The following DLG2 variants were observed in gnomAD, a reference collection of about 807,000 sequenced individuals.
DLG2 encodes the protein disks large homolog 2.
In DLG2, 45 loss-of-function variants were observed where a neutral mutation model predicts 132.5. The observed-to-expected ratio is 0.34, with a 90% CI of 0.27 to 0.44. DLG2 has a LOEUF of 0.44. Ranked by LOEUF, DLG2 falls within the 20% of genes least tolerant of loss-of-function variation. The pLI is 1.00. For synonymous variants in DLG2, 424 were observed against 419.6 expected (o/e 1.01, Z -0.13); for missense variants, 1,045 against 1,196.9 (o/e 0.87, Z 1.87).
chr11:84,244,600 A>G (rs1211832775), intron 8 of DLG2, among the ~76,000 whole-genome samples: 1 of 152,212 alleles, frequency 6.6e-6, no homozygotes, highest in Non-Finnish European at 1.5e-5. Flanking sequence ...CTTTGCCTCT[A>G]TTGCTAAATT....
chr11:84,225,804 T>C (rs2096983277), intron 8 of DLG2, among the ~76,000 whole-genome samples: 1 of 151,078 alleles, frequency 6.6e-6, no homozygotes, highest in Non-Finnish European at 1.5e-5. Context: ...CTTTTGTCTT[T>C]TTTTTTTTTT....
chr11:85,400,985 T>A lies in DLG2; in HGVS notation c.41-115620A>T, dbSNP rs552642464. Among the ~76,000 whole-genome samples the A allele has an allele frequency of 2.7e-5, 4 of 150,214 alleles. No individual in the cohort carries two copies. The South Asian group carries it at 8.4e-4, about 32-fold the overall frequency. The stretch of plus-strand genomic sequence containing the variant: ...AGGGAATTCTCCCAAACTCATTTTA[T>A]GAGGCTAGCATCATCCTGATACCAA... On this transcript the variant is annotated intron_variant, in intron 3 of 27. Transcript: ENST00000376104.
rs892286009 is a variant in DLG2 at position 85,451,168 on chromosome 11, CTTA to C, written c.40+147486_40+147488del. Reference sequence around the variant, plus strand: ...TGCAAATGATACATCCATCAACCTACTTATTATTGTCAAAAGTCTAATGGCTAG... The same window carrying C: ...TGCAAATGATACATCCATCAACCTACTTATTGTCAAAAGTCTAATGGCTAG... On this transcript the variant is annotated intron_variant, in intron 3 of 27. Coordinates refer to ENST00000376104, the MANE Select transcript of DLG2 (RefSeq NM_001142699.3). 1.2e-4 allele frequency among the ~76,000 whole-genome samples: 18 copies of C among 152,298 alleles called. 2 individuals carry two copies. The highest frequency in any genetic ancestry group is 9.2e-4 in the Admixed American group (14 of 15,298).
chr11:84,620,278 T>C (rs1307257145), intron 6 of DLG2, among the ~76,000 whole-genome samples: 1 of 151,804 alleles, frequency 6.6e-6, no homozygotes, highest in African/African-American at 2.4e-5. Flanking sequence ...ATTTAGTTAT[T>C]TGGAAAATAA....
intron 4 of DLG2, among the ~76,000 whole-genome samples, chr11:85,180,881 T>C (rs1201076080): frequency 6.6e-6 from 1 of 151,774 alleles, no homozygotes; most frequent in African/African-American, 2.4e-5. Flanking sequence ...CTGACATGAA[T>C]TACTTGCCCA....
At chr11:84,488,882 T>C (rs1366877342) in intron 7 of DLG2, among the ~76,000 whole-genome samples, 1 of 152,166 alleles carries the variant, frequency 6.6e-6, no homozygotes, top group Non-Finnish European at 1.5e-5. Context: ...TCCAATAAAC[T>C]AAATGTCACC....
intron 7 of DLG2, among the ~76,000 whole-genome samples, chr11:84,286,069 T>C (rs944058794): frequency 1.2e-4 from 19 of 152,120 alleles, no homozygotes; most frequent in African/African-American, 4.6e-4. Context: ...TAACCTAGGT[T>C]TTATCACTCT....
intron 7 of DLG2, among the ~76,000 whole-genome samples, chr11:84,494,548 G>C (rs183211176): frequency 1.3e-5 from 2 of 152,308 alleles, no homozygotes; most frequent in African/African-American, 2.4e-5. Context: ...GACTATGTCA[G>C]GTAGTGGGCT....
intron 24 of DLG2, among the ~76,000 whole-genome samples, chr11:83,470,471 A>G (rs1268058471): frequency 1.3e-5 from 2 of 152,150 alleles, no homozygotes; most frequent in Non-Finnish European, 2.9e-5. Flanking sequence ...ACTATCACAA[A>G]ATGGTTCTAT....
At chr11:84,453,284 T>C (rs1410798588) in intron 7 of DLG2, among the ~76,000 whole-genome samples, 2 of 151,636 alleles carry the variant, frequency 1.3e-5, no homozygotes, top group East Asian at 3.9e-4. Context: ...CATTTCATTG[T>C]TTACAATTAT....
chr11:84,974,842 A>C (rs1010329428), intron 6 of DLG2, among the ~76,000 whole-genome samples: 1 of 152,250 alleles, frequency 6.6e-6, no homozygotes, highest in Admixed American at 6.5e-5. Flanking sequence ...TTTGAGAATC[A>C]AAGGTCTATG....
At chr11:84,993,693 A>AC (rs11424550) in intron 6 of DLG2, among the ~76,000 whole-genome samples, 109,038 of 151,990 alleles carry the variant, frequency 0.72, 40,358 homozygotes, top group East Asian at 0.92. Context: ...TTTAATCTTT[A>AC]CCTCTAATGG....
chr11:85,225,568 T>C (rs966491256), intron 4 of DLG2, among the ~76,000 whole-genome samples: 2 of 152,124 alleles, frequency 1.3e-5, no homozygotes, highest in Admixed American at 1.3e-4. Context: ...TCTTTTGTAC[T>C]TTCCCTTTGC....
intron 6 of DLG2, among the ~76,000 whole-genome samples, chr11:84,641,676 C>T (rs1413623513): frequency 1.3e-5 from 2 of 152,054 alleles, no homozygotes; most frequent in Admixed American, 6.5e-5. Flanking sequence ...AAAACTCTGG[C>T]TCAATTCTAC....
chr11:85,216,272 C>A (rs1231616068), intron 4 of DLG2, among the ~76,000 whole-genome samples: 1 of 152,110 alleles, frequency 6.6e-6, no homozygotes, highest in Non-Finnish European at 1.5e-5. Flanking sequence ...AGTCTTGACC[C>A]CTCCAGACTT....
intron 7 of DLG2, among the ~76,000 whole-genome samples, chr11:84,484,138 C>T (rs537112155): frequency 6.6e-6 from 1 of 152,196 alleles, no homozygotes; most frequent in East Asian, 1.9e-4. Context: ...ATGGTTGCAC[C>T]TCACCTCCTT....
At chr11:85,089,313 T>C (rs1296230158) in intron 6 of DLG2, among the ~76,000 whole-genome samples, 5 of 152,164 alleles carry the variant, frequency 3.3e-5, no homozygotes, top group Admixed American at 3.3e-4. Context: ...GACCCTAGTA[T>C]TTATTGTCCC....
intron 3 of DLG2, among the ~76,000 whole-genome samples, chr11:85,380,198 T>C (rs774560502): frequency 6.6e-6 from 1 of 152,134 alleles, no homozygotes; most frequent in Non-Finnish European, 1.5e-5. Context: ...TGTGAAAAAG[T>C]TTACAATATA....
intron 6 of DLG2, among the ~76,000 whole-genome samples, chr11:85,101,935 T>C (rs1376377709): frequency 1.3e-5 from 2 of 152,024 alleles, no homozygotes; most frequent in African/African-American, 4.8e-5. Flanking sequence ...ATATACATGG[T>C]CTTCTCCAAA....
Sources: gnomAD v4.1 joint callset for allele counts (sites outside exome capture counted in the v4.1 genomes callset) on GRCh38, gnomAD v4.1.1 for gene constraint, MANE v1.5 for transcripts, NCBI Gene and HGNC (gene_info 2026-07-23, HGNC 2026-07-21) for gene names.